HNRNPC: variants seen among roughly 807,000 people sequenced by gnomAD.
The protein encoded by HNRNPC is heterogeneous nuclear ribonucleoprotein C.
HNRNPC carries 3 observed loss-of-function variants against 33.2 expected under a neutral mutation model. The observed-to-expected ratio is 0.09, with a 90% CI of 0.04 to 0.23. The LOEUF is 0.23. Ranked by LOEUF, HNRNPC falls within the 10% of genes least tolerant of loss-of-function variation. The probability of loss-of-function intolerance (pLI) is 1.00; values close to 1 mark genes in which losing one functional copy is unlikely to be tolerated. For synonymous variants in HNRNPC, 121 were observed against 126.7 expected (o/e 0.96, Z 0.30); for missense variants, 143 against 366.7 (o/e 0.39, Z 4.98).
intron 2 of HNRNPC, among the ~76,000 whole-genome samples, chr14:21,247,923 G>C (rs528379758): frequency 1.8e-4 from 27 of 151,930 alleles, no homozygotes; most frequent in African/African-American, 6.5e-4. Flanking sequence ...CATGGGAGGC[G>C]GAGGTTGCAG....
chr14:21,268,791 A>T (rs771819230), intron 1 of HNRNPC: 5 of 152,238 alleles, frequency 3.3e-5, no homozygotes, highest in Admixed American at 1.3e-4. Flanking sequence ...AATAAAATAA[A>T]AAGTTATCAG....
At chr14:21,231,133 A>G in intron 3 of HNRNPC, 61 bp from the exon 4 acceptor site, 1 of 1,507,122 alleles carries the variant, frequency 6.6e-7, no homozygotes, top group Non-Finnish European at 9.2e-7. Flanking sequence ...CAAACTACAA[A>G]GTTTATTTTT....
intron 3 of HNRNPC, among the ~76,000 whole-genome samples, chr14:21,232,055 C>A (rs1200888188): frequency 6.6e-6 from 1 of 152,092 alleles, no homozygotes; most frequent in East Asian, 1.9e-4. Flanking sequence ...CTTAAACAAC[C>A]TTTACACACA....
intron 2 of HNRNPC, among the ~76,000 whole-genome samples, chr14:21,240,317 G>GT (rs1895199180): frequency 6.6e-6 from 1 of 152,134 alleles, no homozygotes; most frequent in Non-Finnish European, 1.5e-5. Context: ...ACTGTTCATT[G>GT]TAAGTGTGAG....
chr14:21,261,892 A>C (rs1878310139), intron 2 of HNRNPC, among the ~76,000 whole-genome samples: 1 of 152,164 alleles, frequency 6.6e-6, no homozygotes, highest in African/African-American at 2.4e-5. Context: ...TAATCTCTAC[A>C]CCATTCCTGT....
chr14:21,245,675 G>C (rs188776072), intron 2 of HNRNPC, among the ~76,000 whole-genome samples: 2 of 152,048 alleles, frequency 1.3e-5, no homozygotes, highest in Admixed American at 1.3e-4. Context: ...TAAGGCTACA[G>C]TAAGTTTGTA....
chr14:21,256,457 A>G (rs1877230090), intron 2 of HNRNPC, among the ~76,000 whole-genome samples: 1 of 151,136 alleles, frequency 6.6e-6, no homozygotes, highest in South Asian at 2.1e-4. Context: ...CTCCCCCCCA[A>G]AAAAAAAATC....
At chr14:21,225,720 A>C (rs375535953) in intron 5 of HNRNPC, among the ~76,000 whole-genome samples, 4 of 152,222 alleles carry the variant, frequency 2.6e-5, no homozygotes, top group Admixed American at 2.0e-4. Flanking sequence ...TTTCAATTGT[A>C]ATGTCGCATC....
chr14:21,261,533 TC>T (rs1342289985), intron 2 of HNRNPC, among the ~76,000 whole-genome samples: 1 of 152,222 alleles, frequency 6.6e-6, no homozygotes. Context: ...TCACTTTTCA[TC>T]CGAGTATGGT....
rs771272125 is a variant in HNRNPC at position 21,231,083 on chromosome 14, A to G, written c.242-11T>C. On this transcript the variant is annotated splice_polypyrimidine_tract_variant and intron_variant, in intron 3 of 8. Coordinates refer to ENST00000553300, the MANE Select transcript of HNRNPC (RefSeq NM_004500.4). ...CAGCCAGGTTAATATCTGAAAAACA[A>G]AAGTAAAAATGTTAATGACAACTTT... 1.3e-5 allele frequency: 21 copies of G among 1,608,814 alleles called. No individual in the cohort carries two copies. The highest frequency in any genetic ancestry group is 1.7e-5 in the Non-Finnish European group (20 of 1,177,022).
At chr14:21,250,408 A>AT (rs1386208478) in intron 2 of HNRNPC, among the ~76,000 whole-genome samples, 4 of 152,208 alleles carry the variant, frequency 2.6e-5, no homozygotes. Flanking sequence ...GTATGTTTAC[A>AT]TATTTTCCTT....
chr14:21,267,675 T>TGG (rs1249685623), intron 1 of HNRNPC, among the ~76,000 whole-genome samples: 1 of 152,186 alleles, frequency 6.6e-6, no homozygotes, highest in Non-Finnish European at 1.5e-5. Context: ...ATAAATACCG[T>TGG]GGCAAACAGT....
rs961878879 is a variant in HNRNPC at position 21,230,553 on chromosome 14, C to T, written c.318-187G>A. On this transcript the variant is annotated intron_variant, in intron 4 of 8. Transcript: ENST00000553300. ...TCACCTTAGACCACTGGAAATGTAG[C>T]GGTCAAATTGGAAATTCAGGTTAAA... 3.9e-5 allele frequency: 21 copies of T among 538,634 alleles called. No homozygotes were observed. The Middle Eastern group carries it at 1.8e-3, about 45-fold the overall frequency. The allele number at this position is 538,634 out of a possible 1,614,324, so 33.4% of individuals were successfully genotyped here.
intron 5 of HNRNPC, 26 bp from the exon 6 acceptor site, chr14:21,213,143 T>C (rs1891799821): frequency 6.2e-7 from 1 of 1,610,280 alleles, no homozygotes; most frequent in Middle Eastern, 1.7e-4. Flanking sequence ...AAAATGGAAT[T>C]CATTCAAACC....
chr14:21,230,348 G>A lies in HNRNPC; in HGVS notation c.336C>T (p.Asp112=), dbSNP rs757046776. ...CATAATAGTCCCGTTGAAAGTCATAGTCCAAGTCAAAAGAGGAGCTGAAAA... is the reference window on the plus strand; with the variant it reads ...CATAATAGTCCCGTTGAAAGTCATAATCCAAGTCAAAAGAGGAGCTGAAAA... ...AEMYGSSFDL[D]YDFQRDYYDR... The change falls in exon 5 of 9, where the codon GAC becomes GAT. Residue 112 remains aspartate (D), a synonymous_variant. Coordinates refer to ENST00000553300, the MANE Select transcript of HNRNPC (RefSeq NM_004500.4). The A allele has an allele frequency of 1.2e-6, 2 of 1,610,114 alleles. No individual in the cohort carries two copies. Among genetic ancestry groups the A allele is most frequent in the South Asian group, 2.2e-5 (2 of 90,892 alleles).
intron 1 of HNRNPC, among the ~76,000 whole-genome samples, chr14:21,267,633 T>A (rs1432959061): frequency 1.3e-5 from 2 of 152,166 alleles, no homozygotes; most frequent in African/African-American, 4.8e-5. Flanking sequence ...ACTAAACGCC[T>A]ATCTAGTTGA....
chr14:21,253,881 C>T (rs528348419), intron 2 of HNRNPC, among the ~76,000 whole-genome samples: 13 of 151,904 alleles, frequency 8.6e-5, no homozygotes, highest in African/African-American at 1.4e-4. Flanking sequence ...CTGGCTAACA[C>T]GGTGAATCCC....
chr14:21,223,876 T>A (rs898221995), intron 5 of HNRNPC, among the ~76,000 whole-genome samples: 1 of 152,118 alleles, frequency 6.6e-6, no homozygotes, highest in Non-Finnish European at 1.5e-5. Context: ...AAGAAAGATA[T>A]AATTAACAGT....
intron 2 of HNRNPC, among the ~76,000 whole-genome samples, chr14:21,258,795 T>C (rs1877678020): frequency 6.6e-6 from 1 of 152,196 alleles, no homozygotes; most frequent in African/African-American, 2.4e-5. Context: ...CAGACTGATT[T>C]TGCTCATTAA....
Sources: gnomAD v4.1 joint callset for allele counts (sites outside exome capture counted in the v4.1 genomes callset) on GRCh38, gnomAD v4.1.1 for gene constraint, MANE v1.5 for transcripts, NCBI Gene and HGNC (gene_info 2026-07-23, HGNC 2026-07-21) for gene names.